ZNF704: variants seen among roughly 807,000 people sequenced by gnomAD.
The protein encoded by ZNF704 is zinc finger protein 704, also known as glucocorticoid induced gene 1.
Under a neutral mutation model 44.7 loss-of-function variants are expected in ZNF704, and 10 were observed. The ratio of observed to expected loss-of-function variants is 0.22; its 90% CI spans 0.14 to 0.38. The LOEUF (loss-of-function observed/expected upper bound fraction) is 0.38, where lower values mean the gene tolerates loss of function less well. Among genes scored for constraint, ZNF704 ranks in the 10% least tolerant of loss-of-function variants. The probability of loss-of-function intolerance (pLI) is 1.00; values close to 1 mark genes in which losing one functional copy is unlikely to be tolerated. For missense variants in ZNF704, 390 were observed against 545.5 expected, an observed-to-expected ratio of 0.71 and a Z score of 2.84; for synonymous variants, 211 against 207.6, an observed-to-expected ratio of 1.02 and a Z score of -0.14.
chr8:80,872,157 T>C (rs1389300580), intron 1 of ZNF704, among the ~76,000 whole-genome samples: 2 of 152,244 alleles, frequency 1.3e-5, no homozygotes, highest in Non-Finnish European at 2.9e-5. Flanking sequence ...TGACACCATG[T>C]GACTTCATTT....
chr8:80,825,808 C>A (rs180865051), intron 1 of ZNF704, among the ~76,000 whole-genome samples: 58 of 152,162 alleles, frequency 3.8e-4, no homozygotes, highest in Admixed American at 9.8e-4. Context: ...AAACTGAACA[C>A]CCTGCTCCTG....
chr8:80,708,395 C>T (rs182267250), intron 2 of ZNF704, among the ~76,000 whole-genome samples: 6 of 152,302 alleles, frequency 3.9e-5, no homozygotes, highest in African/African-American at 1.4e-4. Flanking sequence ...TATCCAGTTT[C>T]GTGTAATAGG....
intron 2 of ZNF704, among the ~76,000 whole-genome samples, chr8:80,783,504 C>A (rs1345090188): frequency 3.3e-5 from 5 of 152,056 alleles, no homozygotes; most frequent in East Asian, 1.9e-4. Context: ...ACTGGGGTAG[C>A]CTTTGGATAA....
At chr8:80,754,297 T>A (rs573476829) in intron 2 of ZNF704, among the ~76,000 whole-genome samples, 78 of 152,304 alleles carry the variant, frequency 5.1e-4, no homozygotes, top group African/African-American at 1.9e-3. Context: ...GTGGTTTGGA[T>A]AAGTATTTCC....
intron 1 of ZNF704, among the ~76,000 whole-genome samples, chr8:80,824,350 A>G (rs970998335): frequency 7.9e-5 from 12 of 152,194 alleles, no homozygotes; most frequent in African/African-American, 2.9e-4. Flanking sequence ...AAATGAATGA[A>G]ATGAAGTGAG....
chr8:80,648,958 C>T lies in ZNF704; in HGVS notation c.1033-5829G>A, dbSNP rs569218230. On this transcript the variant is annotated intron_variant, in intron 7 of 8. Coordinates refer to ENST00000327835, the MANE Select transcript of ZNF704 (RefSeq NM_001033723.3). ...ATATCGTTGATGTAAATAATGTGTGCCCTAAAATAAAGCCCTATAAAGCAA... is the reference window on the plus strand; with the variant it reads ...ATATCGTTGATGTAAATAATGTGTGTCCTAAAATAAAGCCCTATAAAGCAA... Among the ~76,000 whole-genome samples the T allele has an allele frequency of 8.5e-5, 13 of 152,220 alleles. No homozygotes were observed. The South Asian group carries it at 2.7e-3, about 32-fold the overall frequency.
intron 1 of ZNF704, among the ~76,000 whole-genome samples, chr8:80,833,670 TCTATA>T (rs891994656): frequency 6.6e-6 from 1 of 152,206 alleles, no homozygotes; most frequent in Non-Finnish European, 1.5e-5. Context: ...ACATTATTTT[TCTATA>T]CCAAGACAGA....
In ZNF704 at chr8:80,661,394, A is replaced by C. The variant is rs567711626; in HGVS notation, c.928-1705T>G. Among the ~76,000 whole-genome samples, 3 of 152,336 alleles carry C rather than the reference A, an allele frequency of 2.0e-5. No individual in the cohort carries two copies. In the South Asian group the frequency reaches 6.2e-4, roughly 32 times the overall value. ...ATGGAAAACAGTATGGAGATTTCTC[A>C]AAATCTAAAAACAGAACTACCATAT... On this transcript the variant is annotated intron_variant, in intron 6 of 8. Transcript: ENST00000327835.
chr8:80,765,963 C>A (rs941221066), intron 2 of ZNF704, among the ~76,000 whole-genome samples: 1 of 151,822 alleles, frequency 6.6e-6, no homozygotes, highest in African/African-American at 2.4e-5. Flanking sequence ...TAGTTTACTG[C>A]GTATGTAAGA....
chr8:80,805,934 C>T (rs939228482), intron 2 of ZNF704, among the ~76,000 whole-genome samples: 1 of 152,172 alleles, frequency 6.6e-6, no homozygotes, highest in African/African-American at 2.4e-5. Context: ...CACCTTTGAT[C>T]CTTTGCCATC....
intron 4 of ZNF704, among the ~76,000 whole-genome samples, chr8:80,676,655 T>C (rs1377798938): frequency 6.6e-6 from 1 of 152,198 alleles, no homozygotes; most frequent in Admixed American, 6.5e-5. Context: ...AAGGATAAAA[T>C]ACTTGCCTTA....
At chr8:80,656,021 T>C (rs1354746612) in intron 7 of ZNF704, among the ~76,000 whole-genome samples, 1 of 152,074 alleles carries the variant, frequency 6.6e-6, no homozygotes, top group African/African-American at 2.4e-5. Flanking sequence ...CCCAGTGTGG[T>C]TGTATTTGGA....
chr8:80,651,560 G>A (rs1229221707), intron 7 of ZNF704, among the ~76,000 whole-genome samples: 1 of 152,142 alleles, frequency 6.6e-6, no homozygotes. Flanking sequence ...AAGATCAAAA[G>A]AGACAAAGAA....
chr8:80,752,685 G>A (rs1238331332), intron 2 of ZNF704, among the ~76,000 whole-genome samples: 2 of 152,126 alleles, frequency 1.3e-5, no homozygotes, highest in African/African-American at 2.4e-5. Flanking sequence ...AGGATTACAG[G>A]CCTGTGCCAC....
intron 3 of ZNF704, among the ~76,000 whole-genome samples, chr8:80,692,316 C>A (rs1818651654): frequency 6.6e-6 from 1 of 151,816 alleles, no homozygotes; most frequent in Non-Finnish European, 1.5e-5. Flanking sequence ...GTTTACTCAT[C>A]TGTAAAATAG....
In ZNF704 at chr8:80,647,966, G is replaced by C. The variant is rs116424435; in HGVS notation, c.1033-4837C>G. Among the ~76,000 whole-genome samples the C allele has an allele frequency of 4.4e-3, 669 of 152,246 alleles. 5 individuals are homozygous for C. Among genetic ancestry groups the C allele is most frequent in the African/African-American group, 0.015 (643 of 41,530 alleles). On this transcript the variant is annotated intron_variant, in intron 7 of 8. Coordinates refer to ENST00000327835, the MANE Select transcript of ZNF704 (RefSeq NM_001033723.3). ...CAGAAATTTATTTTTTAAAGTTCTGGAGGCTGGAAAGTCCAAGGTTGAGGG... is the reference window on the plus strand; with the variant it reads ...CAGAAATTTATTTTTTAAAGTTCTGCAGGCTGGAAAGTCCAAGGTTGAGGG...
intron 2 of ZNF704, among the ~76,000 whole-genome samples, chr8:80,796,258 G>A (rs1807799111): frequency 6.6e-6 from 1 of 152,224 alleles, no homozygotes; most frequent in African/African-American, 2.4e-5. Context: ...AGGCAGCACA[G>A]GGAATCACGT....
At chr8:80,711,956 G>A (rs576816449) in intron 2 of ZNF704, among the ~76,000 whole-genome samples, 1 of 152,292 alleles carries the variant, frequency 6.6e-6, no homozygotes, top group Admixed American at 6.5e-5. Context: ...TACATTGAAG[G>A]TAATCTCTTT....
intron 1 of ZNF704, among the ~76,000 whole-genome samples, chr8:80,849,096 G>A (rs563538249): frequency 6.6e-6 from 1 of 152,284 alleles, no homozygotes; most frequent in African/African-American, 2.4e-5. Flanking sequence ...GGGAAGAGGT[G>A]AGTAGTAAAG....
Sources: allele counts gnomAD v4.1 joint callset (sites outside exome capture counted in the v4.1 genomes callset), GRCh38; gene constraint gnomAD v4.1.1; transcripts MANE v1.5; gene names NCBI Gene and HGNC (gene_info 2026-07-23, HGNC 2026-07-21).